RSBN1: variants seen among roughly 807,000 people sequenced by gnomAD.
The protein encoded by RSBN1 is round spermatid basic protein 1, also known as lysine-specific demethylase 9.
RSBN1 carries 23 observed loss-of-function variants against 74.8 expected under a neutral mutation model. The ratio of observed to expected loss-of-function variants is 0.31; its 90% CI spans 0.22 to 0.44. RSBN1 has a LOEUF of 0.44. Ranked by LOEUF, RSBN1 falls within the 20% of genes least tolerant of loss-of-function variation. RSBN1 has a pLI of 1.00. For synonymous variants in RSBN1, 407 were observed against 379.6 expected, an observed-to-expected ratio of 1.07 and a Z score of -0.84; for missense variants, 808 against 1,020.9, an observed-to-expected ratio of 0.79 and a Z score of 2.84.
intron 1 of RSBN1, among the ~76,000 whole-genome samples, chr1:113,799,076 C>T (rs1660528722): frequency 6.6e-6 from 1 of 152,160 alleles, no homozygotes; most frequent in Non-Finnish European, 1.5e-5. Context: ...GTATACCTTA[C>T]CTTTCTCTCC....
intron 1 of RSBN1, among the ~76,000 whole-genome samples, chr1:113,801,368 A>C (rs1660581646): frequency 6.6e-6 from 1 of 152,204 alleles, no homozygotes; most frequent in South Asian, 2.1e-4. Context: ...CCCATTTCAT[A>C]CTGGCTAACA....
At chr1:113,787,632 T>C (rs1024330695) in intron 2 of RSBN1, among the ~76,000 whole-genome samples, 2 of 152,176 alleles carry the variant, frequency 1.3e-5, no homozygotes, top group African/African-American at 2.4e-5. Flanking sequence ...ACCATTACAC[T>C]GGAAGCAGGG....
chr1:113,764,886 C>T lies in RSBN1; in HGVS notation c.*1094G>A, dbSNP rs1241849643. 1.3e-5 allele frequency: 2 copies of T among 152,236 alleles called. No homozygotes were observed. Among genetic ancestry groups the T allele is most frequent in the Admixed American group, 6.5e-5 (1 of 15,268 alleles). 9.4% of individuals were successfully genotyped at this position (152,236 alleles called of 1,614,324 possible). ...CCTGTTTGAAAAGAAAATTTAAATA[C>T]TCAGGCACTAAGCATTAGCCTACCT... On this transcript the variant is annotated 3_prime_UTR_variant, in exon 7 of 7. Transcript: ENST00000261441.
intron 2 of RSBN1, among the ~76,000 whole-genome samples, chr1:113,793,515 T>C (rs2101814861): frequency 6.6e-6 from 1 of 152,268 alleles, no homozygotes; most frequent in African/African-American, 2.4e-5. Context: ...TACTTGTGGA[T>C]GCATCACAAG....
intron 2 of RSBN1, among the ~76,000 whole-genome samples, chr1:113,788,127 C>G (rs1660296014): frequency 6.6e-6 from 1 of 151,984 alleles, no homozygotes; most frequent in African/African-American, 2.4e-5. Context: ...GAAAACATTA[C>G]AGCTGACATT....
chr1:113,806,166 T>A (rs1455094360), intron 1 of RSBN1, among the ~76,000 whole-genome samples: 1 of 151,800 alleles, frequency 6.6e-6, no homozygotes, highest in Non-Finnish European at 1.5e-5. Context: ...TGAAACCCCA[T>A]CTCTACTAAA....
intron 4 of RSBN1, among the ~76,000 whole-genome samples, chr1:113,769,315 T>C (rs574131876): frequency 1.3e-5 from 2 of 152,358 alleles, no homozygotes; most frequent in East Asian, 3.9e-4. Context: ...TGACTTGCCA[T>C]GTGCATCAGG....
chr1:113,766,973 G>C, intron 6 of RSBN1, 126 bp downstream of exon 6: 1 of 535,148 alleles, frequency 1.9e-6, no homozygotes, highest in Non-Finnish European at 3.3e-6. Context: ...CCCCACCCCA[G>C]TCTTTAACAG....
intron 2 of RSBN1, among the ~76,000 whole-genome samples, chr1:113,790,587 T>C (rs1276497412): frequency 6.6e-6 from 1 of 152,194 alleles, no homozygotes; most frequent in Admixed American, 6.5e-5. Flanking sequence ...CCAGGCAATG[T>C]TGACAACCCA....
intron 1 of RSBN1, among the ~76,000 whole-genome samples, chr1:113,805,599 C>A (rs138364062): frequency 1.3e-5 from 2 of 152,292 alleles, no homozygotes; most frequent in East Asian, 3.9e-4. Context: ...AGCTCTATCA[C>A]CAACTAAAAA....
intron 2 of RSBN1, among the ~76,000 whole-genome samples, chr1:113,787,889 T>A (rs1442463837): frequency 1.3e-5 from 2 of 152,210 alleles, no homozygotes; most frequent in Non-Finnish European, 2.9e-5. Flanking sequence ...GAGTTTCTAA[T>A]GTTTTATAAC....
At chr1:113,809,030 T>A (rs1294238515) in intron 1 of RSBN1, among the ~76,000 whole-genome samples, 1 of 152,006 alleles carries the variant, frequency 6.6e-6, no homozygotes, top group Non-Finnish European at 1.5e-5. Context: ...TGCAATTTCC[T>A]GTGAATCATT....
In RSBN1 at chr1:113,811,932, G is replaced by A. The variant is rs1660864664; in HGVS notation, c.481C>T (p.Pro161Ser). The change falls in exon 1 of 7, where the codon CCT becomes TCT. Residue 161 changes from proline to serine, a missense_variant. By Grantham distance (74) the Pro-to-Ser change is moderately conservative. Transcript: ENST00000261441. ...LAPAGPAVAA[P>S]LPAPSTSALF... ...GCCGAGGTGCTTGGGGCCGGGAGAG[G>A]GGCAGCGACAGCGGGCCCGGCGGGT... The A allele has an allele frequency of 1.9e-6, 3 of 1,600,786 alleles. No individual in the cohort carries two copies. Among genetic ancestry groups the A allele is most frequent in the African/African-American group, 1.3e-5 (1 of 74,574 alleles).
intron 2 of RSBN1, among the ~76,000 whole-genome samples, chr1:113,781,652 C>T (rs933620520): frequency 6.6e-6 from 1 of 152,190 alleles, no homozygotes; most frequent in African/African-American, 2.4e-5. Context: ...TTAATACCTA[C>T]AAAACAGAGC....
chr1:113,787,114 T>C (rs1660259618), intron 2 of RSBN1, among the ~76,000 whole-genome samples: 1 of 152,234 alleles, frequency 6.6e-6, no homozygotes, highest in Admixed American at 6.5e-5. Context: ...TGATATTGAT[T>C]CTTCTTCCCC....
intron 1 of RSBN1, among the ~76,000 whole-genome samples, chr1:113,799,592 AC>A (rs1222328415): frequency 6.6e-6 from 1 of 151,632 alleles, no homozygotes. Context: ...ACACACACAC[AC>A]ACACACACAC....
intron 1 of RSBN1, among the ~76,000 whole-genome samples, chr1:113,808,942 G>C (rs1660772877): frequency 6.6e-6 from 1 of 151,912 alleles, no homozygotes; most frequent in Admixed American, 6.6e-5. Context: ...TCAATTTCCT[G>C]GTGTTGATAT....
rs1436703946 is a variant in RSBN1, at chr1:113,797,903, T to C, written c.837A>G (p.Gln279=). Residue 279 remains glutamine (Q), a synonymous_variant, in exon 2 of 7, where the codon CAA becomes CAG. Coordinates refer to ENST00000261441, the MANE Select transcript of RSBN1 (RefSeq NM_018364.5). ...TGCGGGTCAGGCCAGCACAGACGGTTTGTACTTCCTTATTGTACATTTTAA... is the reference window on the plus strand; with the variant it reads ...TGCGGGTCAGGCCAGCACAGACGGTCTGTACTTCCTTATTGTACATTTTAA... ...RRLKMYNKEV[Q]TVCAGLTRIS... 1.2e-6 allele frequency: 2 copies of C among 1,613,956 alleles called. No homozygotes were observed. Among genetic ancestry groups the C allele is most frequent in the Non-Finnish European group, 1.7e-6 (2 of 1,179,976 alleles).
At chr1:113,803,537 C>T (rs960597577) in intron 1 of RSBN1, among the ~76,000 whole-genome samples, 5 of 152,166 alleles carry the variant, frequency 3.3e-5, no homozygotes, top group Admixed American at 6.5e-5. Context: ...GAGGAAAGAA[C>T]AGTATCTCAT....
Sources: allele counts gnomAD v4.1 joint callset (sites outside exome capture counted in the v4.1 genomes callset), GRCh38; gene constraint gnomAD v4.1.1; transcripts MANE v1.5; gene names NCBI Gene and HGNC (gene_info 2026-07-23, HGNC 2026-07-21).